Variants in DYRK1A observed in about 807,000 individuals in gnomAD.
The protein encoded by DYRK1A is dual specificity tyrosine phosphorylation regulated kinase 1A.
In DYRK1A, 9 loss-of-function variants were observed where a neutral mutation model predicts 79.7. The ratio of observed to expected loss-of-function variants is 0.11; its 90% CI spans 0.07 to 0.20. The LOEUF is 0.20. Ranked by LOEUF, DYRK1A falls within the 10% of genes least tolerant of loss-of-function variation. The pLI is 1.00. For missense variants in DYRK1A, 622 were observed against 956.0 expected (o/e 0.65, Z 4.61); for synonymous variants, 349 against 329.7 (o/e 1.06, Z -0.63).
intron 2 of DYRK1A, among the ~76,000 whole-genome samples, chr21:37,455,046 C>T: frequency 6.8e-6 from 1 of 147,904 alleles, no homozygotes; most frequent in Non-Finnish European, 1.5e-5. Context: ...TTTCGTGCCC[C>T]AGCATACTTG....
chr21:37,369,635 G>A (rs1298039075), intron 1 of DYRK1A, among the ~76,000 whole-genome samples: 1 of 152,244 alleles, frequency 6.6e-6, no homozygotes, highest in Non-Finnish European at 1.5e-5. Context: ...TAAGCTCAGA[G>A]ATTATTGCAG....
chr21:37,511,405 G>A (rs533226777), intron 11 of DYRK1A, among the ~76,000 whole-genome samples: 1 of 152,298 alleles, frequency 6.6e-6, no homozygotes, highest in East Asian at 1.9e-4. Flanking sequence ...AGAGATGATG[G>A]GGATGAAGAG....
intron 1 of DYRK1A, among the ~76,000 whole-genome samples, chr21:37,368,356 C>T (rs1384089671): frequency 1.3e-5 from 2 of 152,230 alleles, no homozygotes; most frequent in South Asian, 2.1e-4. Flanking sequence ...CACAAACCCA[C>T]TCTCGCTTCG....
intron 1 of DYRK1A, among the ~76,000 whole-genome samples, chr21:37,379,552 A>C (rs879763329): frequency 3.3e-5 from 5 of 152,210 alleles, no homozygotes; most frequent in Non-Finnish European, 5.9e-5. Flanking sequence ...TAGAATTATT[A>C]TTGTAGTTCA....
At chr21:37,386,442 A>G (rs1239756141) in intron 1 of DYRK1A, among the ~76,000 whole-genome samples, 1 of 152,130 alleles carries the variant, frequency 6.6e-6, no homozygotes, top group Non-Finnish European at 1.5e-5. Flanking sequence ...AATTGAAGAC[A>G]CCGTTTTGGG....
chr21:37,414,633 A>T (rs1569302263), intron 1 of DYRK1A, among the ~76,000 whole-genome samples: 1 of 152,132 alleles, frequency 6.6e-6, no homozygotes, highest in Non-Finnish European at 1.5e-5. Flanking sequence ...CTTAATGTAG[A>T]CTTTTAACCA....
At position 37,367,111 on chromosome 21, in the gene DYRK1A, TTGTGCGCGCGAG is replaced by T. The variant is rs1260032743; in HGVS notation, c.-587_-576del. 1 of 152,862 alleles carries T rather than the reference TTGTGCGCGCGAG, an allele frequency of 6.5e-6. No individual in the cohort carries two copies. The highest frequency in any genetic ancestry group is 1.5e-5 in the Non-Finnish European group (1 of 68,706). 9.5% of individuals were successfully genotyped at this position (152,862 alleles called of 1,614,324 possible). A position where few individuals can be genotyped will look rare whatever the true frequency, so the allele number is the denominator to read the frequency against. ...TGCGAGGGAGCGTGTGCGAGGGCGATTGTGCGCGCGAGTGTGCGGGTGTGTGCGAGTGTCTGT... is the reference window on the plus strand; with the variant it reads ...TGCGAGGGAGCGTGTGCGAGGGCGATTGTGCGGGTGTGTGCGAGTGTCTGT... On this transcript the variant is annotated 5_prime_UTR_variant, in exon 1 of 12. Coordinates refer to ENST00000647188, the MANE Select transcript of DYRK1A (RefSeq NM_001347721.2).
At chr21:37,431,699 A>T (rs560360305) in intron 2 of DYRK1A, among the ~76,000 whole-genome samples, 1 of 152,322 alleles carries the variant, frequency 6.6e-6, no homozygotes, top group African/African-American at 2.4e-5. Flanking sequence ...TTTTTTAAAA[A>T]GTTAGACCAG....
intron 1 of DYRK1A, among the ~76,000 whole-genome samples, chr21:37,403,704 C>T (rs1051603028): frequency 6.9e-6 from 1 of 145,418 alleles, no homozygotes; most frequent in Non-Finnish European, 1.5e-5. Context: ...TGTGTGTTCA[C>T]CAGGCTGGTG....
At position 37,516,211 on chromosome 21, in the gene DYRK1A, A is replaced by C. The variant is rs1156428165; in HGVS notation, c.*3680A>C. 1.3e-5 allele frequency: 2 copies of C among 152,246 alleles called. No homozygotes were observed. Among genetic ancestry groups the C allele is most frequent in the African/African-American group, 4.8e-5 (2 of 41,472 alleles). 9.4% of individuals were successfully genotyped at this position (152,246 alleles called of 1,614,324 possible). A position where few individuals can be genotyped will look rare whatever the true frequency, so the allele number is the denominator to read the frequency against. On this transcript the variant is annotated 3_prime_UTR_variant, in exon 12 of 12. Coordinates refer to ENST00000647188, the MANE Select transcript of DYRK1A (RefSeq NM_001347721.2). ...CTGTATGTAATAGACCAGATGGTTC[A>C]TTCCAAATACATGACTTGGTCTTAC...
rs577070712 is a variant in DYRK1A at position 37,490,102 on chromosome 21, TGA to T, written c.638-69_638-68del. The T allele has an allele frequency of 2.4e-4, 335 of 1,393,286 alleles. No homozygotes were observed. In the African/African-American group the frequency reaches 4.6e-3, roughly 19 times the overall value. The allele number at this position is 1,393,286 out of a possible 1,614,324, so 86.3% of individuals were successfully genotyped here. ...TGATGTAATAATGTTATAGAACATTTGAGAGTGCATGTGTTTGTTACTCTCAG... is the reference window on the plus strand; with the variant it reads ...TGATGTAATAATGTTATAGAACATTTGAGTGCATGTGTTTGTTACTCTCAG... On this transcript the variant is annotated intron_variant, in intron 6 of 11. Transcript: ENST00000647188.
At chr21:37,378,581 C>T (rs1045976107) in intron 1 of DYRK1A, among the ~76,000 whole-genome samples, 1 of 152,168 alleles carries the variant, frequency 6.6e-6, no homozygotes, top group Non-Finnish European at 1.5e-5. Flanking sequence ...TTTCGTTACT[C>T]TGTTGATTGA....
intron 1 of DYRK1A, among the ~76,000 whole-genome samples, chr21:37,393,743 T>G (rs1352169512): frequency 1.3e-5 from 2 of 152,232 alleles, no homozygotes; most frequent in Non-Finnish European, 2.9e-5. Context: ...TGTTCCAATT[T>G]GGGCAGGGCC....
chr21:37,493,719 C>A lies in DYRK1A; in HGVS notation c.1071+556C>A, dbSNP rs550503479. On this transcript the variant is annotated intron_variant, in intron 8 of 11. Transcript: ENST00000647188. Reference sequence around the variant, plus strand: ...GCAGGGACAGGCCTTAACTTCCCTGCAGTCAGAGAAATTAGACTTTCATTG... The same window carrying A: ...GCAGGGACAGGCCTTAACTTCCCTGAAGTCAGAGAAATTAGACTTTCATTG... Among the ~76,000 whole-genome samples, 28 of 152,206 alleles carry A rather than the reference C, an allele frequency of 1.8e-4. No homozygotes were observed. The South Asian group carries it at 5.4e-3, about 29-fold the overall frequency.
Position 37,420,012 on chromosome 21 carries a change from T to C in DYRK1A, c.-76-287T>C, listed in dbSNP as rs562601690. The C allele has an allele frequency of 7.2e-5, 12 of 166,782 alleles. No individual in the cohort carries two copies. In the South Asian group the frequency reaches 2.3e-3, roughly 32 times the overall value. 10.3% of individuals were successfully genotyped at this position (166,782 alleles called of 1,614,324 possible). Reference sequence around the variant, plus strand: ...CCCAGATAAAGTAAATGGTGGAATATTCAGGTTTATTTGATACCTAGAAAA... The same window carrying C: ...CCCAGATAAAGTAAATGGTGGAATACTCAGGTTTATTTGATACCTAGAAAA... On this transcript the variant is annotated intron_variant, in intron 1 of 11. Coordinates refer to ENST00000647188, the MANE Select transcript of DYRK1A (RefSeq NM_001347721.2).
rs1800190035 is a variant in DYRK1A at position 37,516,502 on chromosome 21, G to A, written c.*3971G>A. 6.6e-6 allele frequency: 1 copy of A among 152,178 alleles called. No individual in the cohort carries two copies. Among genetic ancestry groups the A allele is most frequent in the African/African-American group, 2.4e-5 (1 of 41,462 alleles). The allele number at this position is 152,178 out of a possible 1,614,324, so 9.4% of individuals were successfully genotyped here. On this transcript the variant is annotated 3_prime_UTR_variant, in exon 12 of 12. Coordinates refer to ENST00000647188, the MANE Select transcript of DYRK1A (RefSeq NM_001347721.2). ...AGAACAAGAGAAGAAACCCTAAGAA[G>A]ATAGCTTATTTGTTATCCTCCCTTT...
At chr21:37,488,395 A>G (rs927323085) in intron 6 of DYRK1A, 1 of 788,232 alleles carries the variant, frequency 1.3e-6, no homozygotes, top group African/African-American at 1.9e-5. Context: ...AATTAGTTTT[A>G]AAGTGATTGA....
At chr21:37,511,374 G>C (rs748584087) in intron 11 of DYRK1A, among the ~76,000 whole-genome samples, 1 of 152,184 alleles carries the variant, frequency 6.6e-6, no homozygotes, top group Non-Finnish European at 1.5e-5. Context: ...CATTTAAGGG[G>C]CTGTTGTGTT....
At chr21:37,397,361 T>C (rs1332264748) in intron 1 of DYRK1A, among the ~76,000 whole-genome samples, 1 of 152,236 alleles carries the variant, frequency 6.6e-6, no homozygotes, top group Non-Finnish European at 1.5e-5. Flanking sequence ...TTTGGGCAAG[T>C]TGTGCTAAGG....
Sources: allele counts gnomAD v4.1 joint callset (sites outside exome capture counted in the v4.1 genomes callset), GRCh38; gene constraint gnomAD v4.1.1; transcripts MANE v1.5; gene names NCBI Gene and HGNC (gene_info 2026-07-23, HGNC 2026-07-21).